Variants in MND1 observed in about 807,000 individuals in gnomAD.
MND1 encodes meiotic nuclear division protein 1 homolog.
In MND1, 28 loss-of-function variants were observed where a neutral mutation model predicts 35.1. The observed-to-expected ratio is 0.80, with a 90% CI of 0.59 to 1.09. The LOEUF (loss-of-function observed/expected upper bound fraction) is 1.09, where lower values mean the gene tolerates loss of function less well. Ranked by LOEUF, MND1 falls within the 50% of genes least tolerant of loss-of-function variation. The pLI is 0.00. For synonymous variants in MND1, 69 were observed against 70.5 expected, an observed-to-expected ratio of 0.98 and a Z score of 0.11; for missense variants, 213 against 239.6, an observed-to-expected ratio of 0.89 and a Z score of 0.73.
intron 4 of MND1, among the ~76,000 whole-genome samples, chr4:153,386,429 T>G (rs959521687): frequency 1.3e-5 from 2 of 151,968 alleles, no homozygotes; most frequent in African/African-American, 4.8e-5. Context: ...CCCAGGAGTT[T>G]TGAGGCTACA....
Position 153,405,650 on chromosome 4 carries a change from AATC to A in MND1, c.467-3318_467-3316del, listed in dbSNP as rs553604943. Among the ~76,000 whole-genome samples, 281 of 152,328 alleles carry A rather than the reference AATC, an allele frequency of 1.8e-3. 2 individuals are homozygous for A. The highest frequency in any genetic ancestry group is 6.2e-3 in the African/African-American group (258 of 41,576). On this transcript the variant is annotated intron_variant, in intron 6 of 7. Transcript: ENST00000240488. ...GCCAAGACCATGGAATCAGGAAAGAAATCATGTTTTTAGCTCATGGTATTGGGC... is the reference window on the plus strand; with the variant it reads ...GCCAAGACCATGGAATCAGGAAAGAAATGTTTTTAGCTCATGGTATTGGGC...
In MND1 at chr4:153,414,770, A is replaced by T. The variant is rs761734636; in HGVS notation, c.531A>T (p.Lys177Asn). 3.3e-6 allele frequency: 5 copies of T among 1,525,844 alleles called. No homozygotes were observed. Among genetic ancestry groups the T allele is most frequent in the Non-Finnish European group, 4.4e-6 (5 of 1,124,032 alleles). The allele number at this position is 1,525,844 out of a possible 1,614,324, so 94.5% of individuals were successfully genotyped here. The change falls in exon 8 of 8, where the codon AAA (lysine) becomes AAT (asparagine). Residue 177 changes from lysine (K) to asparagine (N), a missense_variant. Transcript: ENST00000240488. ...NRWTDNIFAI[K>N]SWAKRKFGFE... is the part of the protein sequence containing the mutation. ...TTATAGATAACATATTCGCAATAAA[A>T]TCTTGGGCCAAAAGAAAATTTGGGT...
At chr4:153,369,564 C>T (rs1773740760) in intron 4 of MND1, among the ~76,000 whole-genome samples, 1 of 152,032 alleles carries the variant, frequency 6.6e-6, no homozygotes, top group Admixed American at 6.6e-5. Context: ...AACTAATGTA[C>T]ATTAATTTAA....
chr4:153,369,492 A>C (rs1228272221), intron 4 of MND1, among the ~76,000 whole-genome samples: 1 of 152,256 alleles, frequency 6.6e-6, no homozygotes, highest in African/African-American at 2.4e-5. Context: ...TTCTCAGTGC[A>C]CCTAAAAGTT....
intron 4 of MND1, among the ~76,000 whole-genome samples, chr4:153,387,582 G>A (rs1728903938): frequency 1.3e-5 from 2 of 151,964 alleles, no homozygotes; most frequent in South Asian, 4.1e-4. Context: ...AACATAGTGA[G>A]ACCCCATCTC....
At chr4:153,363,101 T>A (rs762927277) in intron 4 of MND1, 7 of 719,894 alleles carry the variant, frequency 9.7e-6, no homozygotes, top group Admixed American at 6.3e-5. Flanking sequence ...TAGCTCTCCT[T>A]GTCTCATGAC....
In MND1 at chr4:153,368,197, T is replaced by C. The variant is rs140337525; in HGVS notation, c.276+9575T>C. Among the ~76,000 whole-genome samples the C allele has an allele frequency of 1.1e-4, 16 of 152,304 alleles. No homozygotes were observed. In the East Asian group the frequency reaches 2.9e-3, roughly 28 times the overall value. ...TTTTTTTGTTCTTGCTTTTATCCTT[T>C]TTGAGAATTCCCTTTTCTCTCCTCT... On this transcript the variant is annotated intron_variant, in intron 4 of 7. Coordinates refer to ENST00000240488, the MANE Select transcript of MND1 (RefSeq NM_032117.4).
At chr4:153,373,030 T>A (rs1363998401) in intron 4 of MND1, among the ~76,000 whole-genome samples, 2 of 151,908 alleles carry the variant, frequency 1.3e-5, no homozygotes, top group African/African-American at 2.4e-5. Context: ...TTTTTTTTTT[T>A]AATAGTAGCA....
intron 6 of MND1, among the ~76,000 whole-genome samples, chr4:153,404,468 G>C (rs918927273): frequency 7.3e-5 from 11 of 149,756 alleles, no homozygotes; most frequent in Non-Finnish European, 1.6e-4. Context: ...GCGATTACAG[G>C]TGTGAGCCAC....
At chr4:153,369,423 TTC>T (rs1773736374) in intron 4 of MND1, among the ~76,000 whole-genome samples, 1 of 152,200 alleles carries the variant, frequency 6.6e-6, no homozygotes, top group Admixed American at 6.5e-5. Context: ...GCAGGTTCAG[TTC>T]CATACCACCA....
intron 2 of MND1, among the ~76,000 whole-genome samples, chr4:153,353,404 CAT>C (rs58280101): frequency 0.078 from 6,259 of 80,428 alleles, 167 homozygotes; most frequent in Non-Finnish European, 0.088. Flanking sequence ...GACTTTATCA[CAT>C]ATATATATAT....
chr4:153,385,729 A>AG (rs1273446553), intron 4 of MND1, among the ~76,000 whole-genome samples: 15 of 151,380 alleles, frequency 9.9e-5, no homozygotes, highest in African/African-American at 3.6e-4. Flanking sequence ...AAAAAAAAAA[A>AG]AAAAAGAAAA....
intron 4 of MND1, among the ~76,000 whole-genome samples, chr4:153,381,383 T>A (rs534781213): frequency 3.3e-5 from 5 of 151,414 alleles, no homozygotes; most frequent in Non-Finnish European, 5.9e-5. Context: ...GTGTTTCATA[T>A]GAGATACAGG....
At chr4:153,359,467 G>C (rs928988685) in intron 4 of MND1, among the ~76,000 whole-genome samples, 10 of 152,128 alleles carry the variant, frequency 6.6e-5, no homozygotes, top group African/African-American at 2.4e-4. Context: ...ATCCAAGTTT[G>C]GGCAGTTACA....
chr4:153,399,733 G>T (rs1729292971), intron 6 of MND1, among the ~76,000 whole-genome samples: 1 of 152,070 alleles, frequency 6.6e-6, no homozygotes, highest in African/African-American at 2.4e-5. Flanking sequence ...CTGGTTGCCT[G>T]CATTCTGCTG....
intron 4 of MND1, among the ~76,000 whole-genome samples, chr4:153,387,460 A>C (rs763930360): frequency 2.6e-5 from 4 of 152,168 alleles, no homozygotes; most frequent in Non-Finnish European, 5.9e-5. Context: ...TACAAATTTT[A>C]AATTTTAACG....
At chr4:153,365,116 A>C (rs1429613882) in intron 4 of MND1, among the ~76,000 whole-genome samples, 1 of 151,984 alleles carries the variant, frequency 6.6e-6, no homozygotes, top group Non-Finnish European at 1.5e-5. Flanking sequence ...AAAAAAAAAA[A>C]ACTATCCAAG....
At chr4:153,360,537 A>G (rs1254647047) in intron 4 of MND1, among the ~76,000 whole-genome samples, 3 of 151,718 alleles carry the variant, frequency 2.0e-5, no homozygotes, top group African/African-American at 7.3e-5. Flanking sequence ...TTTTGTACAT[A>G]CATGTCCAAA....
chr4:153,345,162 G>GCCCCC (rs1554008235), intron 1 of MND1, among the ~76,000 whole-genome samples: 1 of 152,016 alleles, frequency 6.6e-6, no homozygotes, highest in African/African-American at 2.4e-5. Context: ...GCGTGGTGTA[G>GCCCCC]CCCCCCCCAT....
Sources: gnomAD v4.1 joint callset for allele counts (sites outside exome capture counted in the v4.1 genomes callset) on GRCh38, gnomAD v4.1.1 for gene constraint, MANE v1.5 for transcripts, NCBI Gene and HGNC (gene_info 2026-07-23, HGNC 2026-07-21) for gene names.